The following DLGAP2 variants were observed in gnomAD, a reference collection of about 807,000 sequenced individuals.
DLGAP2 encodes the protein disks large-associated protein 2.
DLGAP2 carries 26 observed loss-of-function variants against 100.3 expected under a neutral mutation model. The observed-to-expected ratio is 0.26, with a 90% CI of 0.19 to 0.36. DLGAP2 has a LOEUF of 0.36. Ranked by LOEUF, DLGAP2 falls within the 10% of genes least tolerant of loss-of-function variation. The probability of loss-of-function intolerance (pLI) is 1.00; values close to 1 mark genes in which losing one functional copy is unlikely to be tolerated. For missense variants in DLGAP2, 1,858 were observed against 1,453.2 expected (o/e 1.28, Z -4.53); for synonymous variants, 886 against 630.1 (o/e 1.41, Z -6.08).
chr8:1,276,566 C>T (rs868297203), intron 3 of DLGAP2, among the ~76,000 whole-genome samples: 1 of 152,010 alleles, frequency 6.6e-6, no homozygotes, highest in South Asian at 2.1e-4. Context: ...CTATAGTTTT[C>T]ACATTAAGTG....
chr8:1,175,255 C>A (rs1336892485), intron 2 of DLGAP2, among the ~76,000 whole-genome samples: 1 of 149,750 alleles, frequency 6.7e-6, no homozygotes, highest in Admixed American at 6.7e-5. Flanking sequence ...AAAAAAAAAA[C>A]CTAAGAAGTG....
intron 2 of DLGAP2, among the ~76,000 whole-genome samples, chr8:1,224,617 A>G (rs1170686249): frequency 6.6e-6 from 1 of 152,206 alleles, no homozygotes; most frequent in Non-Finnish European, 1.5e-5. Flanking sequence ...ATTAACTCAT[A>G]AGGAGAAAAA....
intron 2 of DLGAP2, among the ~76,000 whole-genome samples, chr8:1,099,415 T>C (rs1804506040): frequency 6.6e-6 from 1 of 152,224 alleles, no homozygotes; most frequent in African/African-American, 2.4e-5. Context: ...TTCAACAAAT[T>C]ACCGAGTGTC....
rs1563224171 is a variant in DLGAP2, at chr8:1,164,172, C to CGTTTTGGTTTGTGGGG, written c.74-94679_74-94678insGTTTTGGTTTGTGGGG. Among the ~76,000 whole-genome samples the CGTTTTGGTTTGTGGGG allele has an allele frequency of 1.0e-2, 1,109 of 111,126 alleles. 186 individuals carry two copies. The highest frequency in any genetic ancestry group is 0.016 in the Admixed American group (168 of 10,760). The allele number at this position is 111,126 out of a possible 152,430, so 72.9% of individuals were successfully genotyped here. On this transcript the variant is annotated intron_variant, in intron 2 of 14. Transcript: ENST00000637795. ...TTTCTGTGAGCCCCCCAGGGCCCGTCATTTTGGTTTGTGGGGATTTTTCTG... is the reference window on the plus strand; with the variant it reads ...TTTCTGTGAGCCCCCCAGGGCCCGTCGTTTTGGTTTGTGGGGATTTTGGTTTGTGGGGATTTTTCTG...
intron 3 of DLGAP2, among the ~76,000 whole-genome samples, chr8:1,422,262 A>G (rs1438167307): frequency 6.6e-6 from 1 of 152,214 alleles, no homozygotes; most frequent in Non-Finnish European, 1.5e-5. Context: ...AAAAGATACC[A>G]GAAGACCAGG....
chr8:1,548,670 C>G lies in DLGAP2; in HGVS notation c.217C>G (p.Arg73Gly), dbSNP rs751358495. ...WSPTQHFNEE[R>G]YSPAPRSMKG... is the part of the protein sequence containing the mutation. ...GCCCACGCAGCACTTCAATGAGGAGCGCTACTCGCCCGCGCCCAGGAGCAT... is the reference window on the plus strand; with the variant it reads ...GCCCACGCAGCACTTCAATGAGGAGGGCTACTCGCCCGCGCCCAGGAGCAT... The change falls in exon 5 of 15, where the codon CGC becomes GGC. Residue 73 changes from arginine to glycine, a missense_variant. Transcript: ENST00000637795. The G allele has an allele frequency of 3.8e-6, 6 of 1,591,964 alleles. No homozygotes were observed. The highest frequency in any genetic ancestry group is 1.3e-5 in the African/African-American group (1 of 74,142).
At chr8:1,624,344 G>C (rs1248144248) in intron 6 of DLGAP2, among the ~76,000 whole-genome samples, 1 of 152,120 alleles carries the variant, frequency 6.6e-6, no homozygotes, top group African/African-American at 2.4e-5. Flanking sequence ...GGTGAGTCAA[G>C]TTAAGAGCCT....
chr8:1,067,848 C>T (rs1803306442), intron 2 of DLGAP2, among the ~76,000 whole-genome samples: 1 of 151,930 alleles, frequency 6.6e-6, no homozygotes, highest in Non-Finnish European at 1.5e-5. Flanking sequence ...TCACTCTTGG[C>T]ATTGTCACTG....
At chr8:1,677,522 G>C (rs1391647782) in intron 11 of DLGAP2, among the ~76,000 whole-genome samples, 2 of 152,042 alleles carry the variant, frequency 1.3e-5, no homozygotes, top group Non-Finnish European at 2.9e-5. Flanking sequence ...GACACAGAGA[G>C]ACACACACAC....
At chr8:1,244,313 G>A (rs1433269631) in intron 2 of DLGAP2, among the ~76,000 whole-genome samples, 1 of 152,252 alleles carries the variant, frequency 6.6e-6, no homozygotes, top group Non-Finnish European at 1.5e-5. Context: ...TGACTGATAG[G>A]TCATAGACCA....
chr8:1,665,754 G>A (rs560333963), intron 8 of DLGAP2, among the ~76,000 whole-genome samples: 2 of 152,222 alleles, frequency 1.3e-5, no homozygotes, highest in Admixed American at 6.5e-5. Context: ...GCCTGCCTTC[G>A]GCCAGAGCCG....
At chr8:1,415,425 A>T (rs1408485361) in intron 3 of DLGAP2, among the ~76,000 whole-genome samples, 2 of 151,712 alleles carry the variant, frequency 1.3e-5, no homozygotes, top group African/African-American at 4.8e-5. Context: ...GACACTGAGC[A>T]CAGCACCCAA....
chr8:984,656 G>C (rs1011759147), intron 2 of DLGAP2, among the ~76,000 whole-genome samples: 1 of 152,234 alleles, frequency 6.6e-6, no homozygotes, highest in African/African-American at 2.4e-5. Context: ...CGGCCTCCCA[G>C]TCAATACGCC....
intron 3 of DLGAP2, among the ~76,000 whole-genome samples, chr8:1,382,031 G>C (rs1796108725): frequency 6.6e-6 from 1 of 151,900 alleles, no homozygotes; most frequent in Non-Finnish European, 1.5e-5. Context: ...AAAAAGCAGG[G>C]CTTAGTGGTA....
At chr8:1,237,456 T>A (rs1176283321) in intron 2 of DLGAP2, among the ~76,000 whole-genome samples, 259 of 140,214 alleles carry the variant, frequency 1.8e-3, no homozygotes, top group Non-Finnish European at 3.0e-3. Flanking sequence ...CGTGTCTAGT[T>A]ACCTCTCACA....
chr8:1,239,641 T>A (rs573931963), intron 2 of DLGAP2, among the ~76,000 whole-genome samples: 12 of 26,884 alleles, frequency 4.5e-4, no homozygotes, highest in Non-Finnish European at 7.2e-4. Flanking sequence ...CGTGTCTAGT[T>A]ACCTCTCACA....
At chr8:809,968 C>T (rs1178152451) in intron 1 of DLGAP2, among the ~76,000 whole-genome samples, 2 of 152,208 alleles carry the variant, frequency 1.3e-5, no homozygotes, top group East Asian at 1.9e-4. Context: ...GCCTGGACTG[C>T]GGTCAAGGCC....
intron 2 of DLGAP2, among the ~76,000 whole-genome samples, chr8:945,786 TCTCCCTCTC>T (rs1799303633): frequency 6.6e-6 from 1 of 152,064 alleles, no homozygotes; most frequent in South Asian, 2.1e-4. Context: ...TCTCTCACTC[TCTCCCTCTC>T]CTCCCTCTCT....
At chr8:1,534,841 G>C (rs1268551801) in intron 4 of DLGAP2, among the ~76,000 whole-genome samples, 2 of 152,206 alleles carry the variant, frequency 1.3e-5, no homozygotes, top group African/African-American at 2.4e-5. Context: ...ACGTGTGCTT[G>C]CGTGTGTGTG....
Sources: gnomAD v4.1 joint callset for allele counts (sites outside exome capture counted in the v4.1 genomes callset) on GRCh38, gnomAD v4.1.1 for gene constraint, MANE v1.5 for transcripts, NCBI Gene and HGNC (gene_info 2026-07-23, HGNC 2026-07-21) for gene names.